The following ECT2L variants were observed in gnomAD, a reference collection of about 807,000 sequenced individuals.
ECT2L encodes epithelial cell-transforming sequence 2 oncogene-like.
ECT2L carries 126 observed loss-of-function variants against 122.8 expected under a neutral mutation model. The observed-to-expected ratio is 1.03, with a 90% CI of 0.89 to 1.19. ECT2L has a LOEUF of 1.19. Among genes scored for constraint, ECT2L ranks in the 50% most tolerant of loss-of-function variants. The pLI, the probability that ECT2L is intolerant of heterozygous loss-of-function variation, is 0.00. For missense variants in ECT2L, 1,012 were observed against 1,064.1 expected (o/e 0.95, Z 0.68); for synonymous variants, 385 against 381.8 (o/e 1.01, Z -0.10).
intron 7 of ECT2L, among the ~76,000 whole-genome samples, chr6:138,845,451 C>T (rs1032460611): frequency 6.6e-6 from 1 of 152,064 alleles, no homozygotes; most frequent in Non-Finnish European, 1.5e-5. Flanking sequence ...ACCGTATTGG[C>T]CAGGCTGGTC....
intron 12 of ECT2L, 84 bp downstream of exon 12, chr6:138,865,262 AAGTAAAATTTTACTCTTGAACATCTCC>A (rs1777992826): frequency 7.3e-6 from 10 of 1,364,952 alleles, no homozygotes; most frequent in South Asian, 1.7e-5. Flanking sequence ...GTTATGGCGC[AAGTAAAATTTTACTCTTGAACATCTCC>A]AGTAAAATTT....
At chr6:138,870,626 G>A (rs1778219496) in intron 13 of ECT2L, among the ~76,000 whole-genome samples, 1 of 151,246 alleles carries the variant, frequency 6.6e-6, no homozygotes, top group African/African-American at 2.5e-5. Context: ...AGAACTTAAG[G>A]GGAATTTTTT....
At chr6:138,811,177 G>A (rs1775878494) in intron 1 of ECT2L, among the ~76,000 whole-genome samples, 1 of 152,138 alleles carries the variant, frequency 6.6e-6, no homozygotes, top group South Asian at 2.1e-4. Flanking sequence ...TTTGCTCACT[G>A]TGATGGAAGC....
intron 7 of ECT2L, among the ~76,000 whole-genome samples, 162 bp downstream of exon 7, chr6:138,844,742 A>T (rs971731516): frequency 4.6e-5 from 7 of 151,804 alleles, no homozygotes; most frequent in African/African-American, 1.7e-4. Context: ...GTAGTCAAAC[A>T]TGCCTTCTGA....
intron 12 of ECT2L, among the ~76,000 whole-genome samples, 158 bp downstream of exon 12, chr6:138,865,336 A>G (rs1413699979): frequency 4.6e-5 from 7 of 152,200 alleles, no homozygotes. Flanking sequence ...TTCAAATATA[A>G]CGAACAACCA....
At chr6:138,830,670 C>T (rs960121105) in intron 4 of ECT2L, among the ~76,000 whole-genome samples, 14 of 152,136 alleles carry the variant, frequency 9.2e-5, no homozygotes, top group Admixed American at 5.9e-4. Context: ...ACTCACTCCT[C>T]GAAATGACAA....
intron 20 of ECT2L, among the ~76,000 whole-genome samples, chr6:138,900,643 T>C (rs1289393749): frequency 1.3e-5 from 2 of 152,206 alleles, no homozygotes; most frequent in South Asian, 2.1e-4. Flanking sequence ...GTAATTCATT[T>C]CATAAAGAAG....
rs587778245 is a variant in ECT2L, at chr6:138,844,430, G to A, written c.614G>A (p.Arg205Gln). 2.8e-5 allele frequency: 45 copies of A among 1,613,682 alleles called. No homozygotes were observed. The highest frequency in any genetic ancestry group is 1.7e-4 in the Middle Eastern group (1 of 6,046). Residue 205 changes from arginine (R) to glutamine (Q), a missense_variant, in exon 7 of 22, where the codon CGA becomes CAA. Transcript: ENST00000541398. ...ALRKKELFKV[R>Q]PPWVSGTCCS... is the part of the protein sequence containing the mutation. ...TTTTCAGAGGAGTTATTCAAAGTTC[G>A]ACCCCCTTGGGTGAGTGGAACTTGC...
intron 11 of ECT2L, among the ~76,000 whole-genome samples, chr6:138,863,582 G>A (rs763182861): frequency 6.6e-6 from 1 of 151,984 alleles, no homozygotes; most frequent in Non-Finnish European, 1.5e-5. Context: ...GGGTATGAAC[G>A]CTGTTGCTGG....
intron 1 of ECT2L, among the ~76,000 whole-genome samples, chr6:138,801,167 TTTAAACTGCAA>T: frequency 6.6e-6 from 1 of 152,294 alleles, no homozygotes; most frequent in South Asian, 2.1e-4. Flanking sequence ...GCAATTATGG[TTTAAACTGCAA>T]TTATACAACA....
chr6:138,813,600 C>T (rs897059342), intron 3 of ECT2L, among the ~76,000 whole-genome samples: 5 of 152,178 alleles, frequency 3.3e-5, no homozygotes, highest in African/African-American at 1.2e-4. Flanking sequence ...ACCTCTAGGA[C>T]ACACAGTTGC....
intron 20 of ECT2L, among the ~76,000 whole-genome samples, chr6:138,895,109 AC>A (rs764613202): frequency 4.6e-5 from 7 of 152,040 alleles, no homozygotes; most frequent in South Asian, 4.2e-4. Flanking sequence ...GGAAAAAAAA[AC>A]GTTTTGAAAT....
rs1038084655 is a variant in ECT2L, at chr6:138,837,662, A to G, written c.180-690A>G. Among the ~76,000 whole-genome samples the G allele has an allele frequency of 3.3e-5, 5 of 151,684 alleles. No homozygotes were observed. In the South Asian group the frequency reaches 1.0e-3, roughly 32 times the overall value. ...GTCTCAAAAAAAAAAAAAAACAACAATTAAAAAAACCCAAAAACGTCCACA... is the reference window on the plus strand; with the variant it reads ...GTCTCAAAAAAAAAAAAAAACAACAGTTAAAAAAACCCAAAAACGTCCACA... On this transcript the variant is annotated intron_variant, in intron 4 of 21. Coordinates refer to ENST00000541398, the MANE Select transcript of ECT2L (RefSeq NM_001077706.3).
At chr6:138,877,289 C>T (rs570072187) in intron 14 of ECT2L, among the ~76,000 whole-genome samples, 17 of 152,134 alleles carry the variant, frequency 1.1e-4, no homozygotes, top group African/African-American at 3.1e-4. Context: ...CAGTGCAGGC[C>T]GTGGAGCCCC....
chr6:138,893,846 G>C (rs11963762), intron 20 of ECT2L, among the ~76,000 whole-genome samples: 13,406 of 152,168 alleles, frequency 0.088, 1,237 homozygotes, highest in African/African-American at 0.23. Context: ...TTTATCTCTA[G>C]TAATTAAGCC....
At chr6:138,811,728 G>T (rs1775905776) in intron 1 of ECT2L, among the ~76,000 whole-genome samples, 1 of 152,126 alleles carries the variant, frequency 6.6e-6, no homozygotes, top group South Asian at 2.1e-4. Flanking sequence ...TGTCAGTGAT[G>T]GAGTGCAGTG....
chr6:138,870,002 A>G (rs1778191752), intron 13 of ECT2L, among the ~76,000 whole-genome samples: 1 of 152,248 alleles, frequency 6.6e-6, no homozygotes, highest in South Asian at 2.1e-4. Flanking sequence ...GAGATGAACT[A>G]GAAAGTCTCA....
intron 10 of ECT2L, 113 bp downstream of exon 10, chr6:138,854,267 A>T: frequency 7.7e-7 from 1 of 1,299,116 alleles, no homozygotes; most frequent in Non-Finnish European, 1.0e-6. Flanking sequence ...TCACGCTTCA[A>T]TTTCTTTTTT....
At chr6:138,808,748 A>T (rs911082) in intron 1 of ECT2L, among the ~76,000 whole-genome samples, 75 of 141,458 alleles carry the variant, frequency 5.3e-4, no homozygotes, top group African/African-American at 1.8e-3. Context: ...TTTTTTTGAG[A>T]CAGTGTCTCA....
Sources: allele counts gnomAD v4.1 joint callset (sites outside exome capture counted in the v4.1 genomes callset), GRCh38; gene constraint gnomAD v4.1.1; transcripts MANE v1.5; gene names NCBI Gene and HGNC (gene_info 2026-07-23, HGNC 2026-07-21).